The following FGF2 variants were observed in gnomAD, a reference collection of about 807,000 sequenced individuals.
The protein encoded by FGF2 is fibroblast growth factor 2.
A neutral mutation model predicts 15.9 loss-of-function variants in FGF2; 13 were observed. That is an observed-to-expected ratio of 0.82 (90% CI 0.53 to 1.30). The LOEUF is 1.30. Ranked by LOEUF, FGF2 falls within the 50% of genes most tolerant of loss-of-function variation. FGF2 has a pLI of 0.00. For missense variants in FGF2, 163 were observed against 196.9 expected (o/e 0.83, Z 1.03); for synonymous variants, 90 against 78.4 (o/e 1.15, Z -0.78).
chr4:122,847,974 G>A (rs308414), intron 1 of FGF2, among the ~76,000 whole-genome samples: 19,164 of 152,236 alleles, frequency 0.13, 1,401 homozygotes, highest in South Asian at 0.25. Context: ...AATAATGTTT[G>A]ACCTAATAGC....
At chr4:122,864,609 C>A (rs1726534109) in intron 1 of FGF2, among the ~76,000 whole-genome samples, 1 of 152,212 alleles carries the variant, frequency 6.6e-6, no homozygotes, top group South Asian at 2.1e-4. Flanking sequence ...CGTCTCCAAA[C>A]TCCCTTTATA....
intron 1 of FGF2, among the ~76,000 whole-genome samples, chr4:122,872,681 C>G (rs1310127858): frequency 6.6e-6 from 1 of 152,226 alleles, no homozygotes; most frequent in Non-Finnish European, 1.5e-5. Context: ...GACCTCTCAG[C>G]AGAAACTCTA....
upstream of FGF2, chr4:122,826,768 G>C (rs1262167044): frequency 3.8e-6 from 5 of 1,325,604 alleles, no homozygotes; most frequent in African/African-American, 7.5e-5. Flanking sequence ...AACTGGGGGC[G>C]CGGGAGGCTG....
intron 1 of FGF2, among the ~76,000 whole-genome samples, chr4:122,835,149 A>G (rs1255804422): frequency 6.6e-6 from 1 of 152,066 alleles, no homozygotes; most frequent in African/African-American, 2.4e-5. Flanking sequence ...AAAAACTCCT[A>G]TCCCATGAGC....
intron 2 of FGF2, among the ~76,000 whole-genome samples, chr4:122,889,118 A>G (rs1200714798): frequency 6.6e-6 from 1 of 152,218 alleles, no homozygotes; most frequent in Non-Finnish European, 1.5e-5. Context: ...AAGGTATCCA[A>G]AATCTGAAAT....
At chr4:122,847,527 A>G (rs2150769511) in intron 1 of FGF2, among the ~76,000 whole-genome samples, 1 of 152,282 alleles carries the variant, frequency 6.6e-6, no homozygotes, top group African/African-American at 2.4e-5. Flanking sequence ...TGATGACCTG[A>G]TGACCTAGCA....
chr4:122,826,841 C>T lies in FGF2; in HGVS notation c.-334C>T. 2 of 1,487,444 alleles carry T rather than the reference C, an allele frequency of 1.3e-6. No individual in the cohort carries two copies. Among genetic ancestry groups the T allele is most frequent in the Non-Finnish European group, 1.8e-6 (2 of 1,114,206 alleles). 92.1% of individuals were successfully genotyped at this position (1,487,444 alleles called of 1,614,324 possible). On this transcript the variant is annotated 5_prime_UTR_variant, in exon 1 of 3. Transcript: ENST00000644866. Reference sequence around the variant, plus strand: ...CGCGGCCCGGCGGGTGCCAGATTAGCGGACGCGGTGCCCGCGGTTGCAACG... The same window carrying T: ...CGCGGCCCGGCGGGTGCCAGATTAGTGGACGCGGTGCCCGCGGTTGCAACG...
Position 122,893,937 on chromosome 4 carries a change from C to T in FGF2, c.*1541C>T, listed in dbSNP as rs1195237386. The T allele has an allele frequency of 2.0e-5, 3 of 152,302 alleles. No individual in the cohort carries two copies. The highest frequency in any genetic ancestry group is 7.2e-5 in the African/African-American group (3 of 41,560). The allele number at this position is 152,302 out of a possible 1,614,324, so 9.4% of individuals were successfully genotyped here. On this transcript the variant is annotated 3_prime_UTR_variant, in exon 3 of 3. Coordinates refer to ENST00000644866, the MANE Select transcript of FGF2 (RefSeq NM_001361665.2). ...TGGAAAGCTTCACAATTGTCACAGA[C>T]AAAGATTTTTGTTCCAATACTCGTT...
At chr4:122,877,195 T>C (rs1726870845) in intron 2 of FGF2, among the ~76,000 whole-genome samples, 1 of 151,864 alleles carries the variant, frequency 6.6e-6, no homozygotes, top group Non-Finnish European at 1.5e-5. Flanking sequence ...CTGTACCCTC[T>C]GCCTTCTGGG....
In FGF2 at chr4:122,827,463, C is replaced by T. The variant is rs1480950702; in HGVS notation, c.178+111C>T. Reference sequence around the variant, plus strand: ...GGATCTTCACTGCGACCCTAGCGCTCCGTGTGGTTTCTGGCCGCGCGGCCC... The same window carrying T: ...GGATCTTCACTGCGACCCTAGCGCTTCGTGTGGTTTCTGGCCGCGCGGCCC... On this transcript the variant is annotated intron_variant, in intron 1 of 2. Transcript: ENST00000644866. This position sits in a 1 kb window ranked among gnomAD's most constrained non-coding sequence, Gnocchi z 4.2. 1 of 1,268,224 alleles carries T rather than the reference C, an allele frequency of 7.9e-7. No homozygotes were observed. The highest frequency in any genetic ancestry group is 1.5e-5 in the African/African-American group (1 of 67,608). 78.6% of individuals were successfully genotyped at this position (1,268,224 alleles called of 1,614,324 possible). A position where few individuals can be genotyped will look rare whatever the true frequency, so the allele number is the denominator to read the frequency against.
At chr4:122,848,337 A>G (rs1041294228) in intron 1 of FGF2, among the ~76,000 whole-genome samples, 1 of 152,220 alleles carries the variant, frequency 6.6e-6, no homozygotes, top group African/African-American at 2.4e-5. Flanking sequence ...TGTGTGGGTT[A>G]GTTTTTCTTC....
At chr4:122,860,128 C>T (rs1405078159) in intron 1 of FGF2, among the ~76,000 whole-genome samples, 6 of 152,044 alleles carry the variant, frequency 3.9e-5, no homozygotes. Context: ...TGCATAGCTC[C>T]CCTTTTAAGT....
At chr4:122,862,562 A>G (rs1408141649) in intron 1 of FGF2, among the ~76,000 whole-genome samples, 1 of 152,220 alleles carries the variant, frequency 6.6e-6, no homozygotes, top group African/African-American at 2.4e-5. Context: ...CAGAGTTTCT[A>G]TTCCTTTGCT....
chr4:122,834,788 C>T (rs1264258314), intron 1 of FGF2, among the ~76,000 whole-genome samples: 1 of 152,184 alleles, frequency 6.6e-6, no homozygotes, highest in African/African-American at 2.4e-5. Flanking sequence ...TTCCCCAAAA[C>T]TCAACTGCCT....
rs551347600 is a variant in FGF2, at chr4:122,837,449, G to T, written c.178+10097G>T. Among the ~76,000 whole-genome samples, 19 of 152,258 alleles carry T rather than the reference G, an allele frequency of 1.2e-4. No individual in the cohort carries two copies. In the South Asian group the frequency reaches 3.9e-3, roughly 32 times the overall value. ...ATCACTTGATAAACACTTTGCTTTT[G>T]AATTAGAAATGCAAATAATCTTTCT... is the stretch of plus-strand genomic sequence containing the variant. On this transcript the variant is annotated intron_variant, in intron 1 of 2. Transcript: ENST00000644866.
chr4:122,831,972 C>T (rs1367629009), intron 1 of FGF2, among the ~76,000 whole-genome samples: 1 of 152,210 alleles, frequency 6.6e-6, no homozygotes, highest in Non-Finnish European at 1.5e-5. Flanking sequence ...TTCATCTATA[C>T]ACTGATTCTG....
chr4:122,886,124 T>A (rs12504045), intron 2 of FGF2, among the ~76,000 whole-genome samples: 4 of 151,726 alleles, frequency 2.6e-5, no homozygotes, highest in Admixed American at 1.3e-4. Flanking sequence ...TCTCACTATA[T>A]TGCCCAAATT....
At chr4:122,863,205 T>C (rs1447835200) in intron 1 of FGF2, among the ~76,000 whole-genome samples, 3 of 152,208 alleles carry the variant, frequency 2.0e-5, no homozygotes, top group Non-Finnish European at 4.4e-5. Context: ...AATGAAAGTG[T>C]AGACTTATTT....
chr4:122,892,739 TCA>T lies in FGF2; in HGVS notation c.*346_*347del, dbSNP rs1727221362. 3 of 1,351,080 alleles carry T rather than the reference TCA, an allele frequency of 2.2e-6. No individual in the cohort carries two copies. Among genetic ancestry groups the T allele is most frequent in the East Asian group, 4.9e-5 (2 of 41,056 alleles). The allele number at this position is 1,351,080 out of a possible 1,614,324, so 83.7% of individuals were successfully genotyped here. A position where few individuals can be genotyped will look rare whatever the true frequency, so the allele number is the denominator to read the frequency against. ...CATGGAAATCATATACATTAGAAAATCACAGTCAGATGTTTAATCAATCCAAA... is the reference window on the plus strand; with the variant it reads ...CATGGAAATCATATACATTAGAAAATCAGTCAGATGTTTAATCAATCCAAA... On this transcript the variant is annotated 3_prime_UTR_variant, in exon 3 of 3. Coordinates refer to ENST00000644866, the MANE Select transcript of FGF2 (RefSeq NM_001361665.2).
Sources: allele counts gnomAD v4.1 joint callset (sites outside exome capture counted in the v4.1 genomes callset), GRCh38; gene constraint gnomAD v4.1.1; non-coding constraint Gnocchi (gnomAD v3.1); transcripts MANE v1.5; gene names NCBI Gene and HGNC (gene_info 2026-07-23, HGNC 2026-07-21).